The following TPCN1 variants were observed in gnomAD, a reference collection of about 807,000 sequenced individuals.
TPCN1 encodes two pore channel protein 1.
Under a neutral mutation model 108.8 loss-of-function variants are expected in TPCN1, and 52 were observed. The observed-to-expected ratio is 0.48, with a 90% CI of 0.38 to 0.60. The LOEUF (loss-of-function observed/expected upper bound fraction) is 0.60, where lower values mean the gene tolerates loss of function less well. Ranked by LOEUF, TPCN1 falls within the 20% of genes least tolerant of loss-of-function variation. The pLI is 0.00. For synonymous variants in TPCN1, 446 were observed against 433.7 expected (o/e 1.03, Z -0.35); for missense variants, 806 against 1,072.8 (o/e 0.75, Z 3.47).
In TPCN1 at chr12:113,260,460, A is replaced by G. The variant is rs144625851; in HGVS notation, c.205A>G (p.Met69Val). ...SPSSPAHNWE[M>V]NYQEAAIYLQ... The stretch of plus-strand genomic sequence containing the variant: ...CTCCAGCCCCGCACACAACTGGGAG[A>G]TGAATTACCAAGAGGCAGCAATCTA... The change falls in exon 3 of 28, where the codon ATG (methionine) becomes GTG (valine). Residue 69 changes from methionine (M) to valine (V), a missense_variant. Coordinates refer to ENST00000335509, the MANE Select transcript of TPCN1 (RefSeq NM_017901.6). 2.0e-5 allele frequency: 31 copies of G among 1,571,990 alleles called. No homozygotes were observed. The highest frequency in any genetic ancestry group is 2.6e-5 in the Non-Finnish European group (30 of 1,161,844).
rs1380765294 is a variant in TPCN1, at chr12:113,268,736, C to T, written c.529-6C>T. 6.2e-7 allele frequency: 1 copy of T among 1,613,150 alleles called. No homozygotes were observed. The highest frequency in any genetic ancestry group is 1.1e-5 in the South Asian group (1 of 91,012). ...GCTGACGGTGCTCCATGCCTGCCAC[C>T]CACAGACCTCGGTGCTGGTGGTGCA... On this transcript the variant is annotated splice_polypyrimidine_tract_variant and splice_region_variant and intron_variant, in intron 5 of 27. Coordinates refer to ENST00000335509, the MANE Select transcript of TPCN1 (RefSeq NM_017901.6). This position sits in a 1 kb window ranked among gnomAD's most constrained non-coding sequence, Gnocchi z 7.3.
rs1196825030 is a variant in TPCN1, at chr12:113,296,224, G to T, written c.*148G>T. The T allele has an allele frequency of 7.8e-7, 1 of 1,285,578 alleles. No homozygotes were observed. The allele number at this position is 1,285,578 out of a possible 1,614,324, so 79.6% of individuals were successfully genotyped here. ...AAAAAGACAGACAAGATGGGGCTTG[G>T]TTTATAACCACCTTGCCCTGTCTTC... On this transcript the variant is annotated 3_prime_UTR_variant, in exon 28 of 28. Coordinates refer to ENST00000335509, the MANE Select transcript of TPCN1 (RefSeq NM_017901.6).
Position 113,288,965 on chromosome 12 carries a change from C to CTTAGA in TPCN1, c.1796+118_1796+119insTTAGA. 1 of 1,003,654 alleles carries CTTAGA rather than the reference C, an allele frequency of 1.0e-6. No individual in the cohort carries two copies. The highest frequency in any genetic ancestry group is 1.5e-6 in the Non-Finnish European group (1 of 649,214). 62.2% of individuals were successfully genotyped at this position (1,003,654 alleles called of 1,614,324 possible). A position where few individuals can be genotyped will look rare whatever the true frequency, so the allele number is the denominator to read the frequency against. On this transcript the variant is annotated intron_variant, in intron 21 of 27. Transcript: ENST00000335509. This position sits in a 1 kb window ranked among gnomAD's most constrained non-coding sequence, Gnocchi z 4.8. ...CTCGGGGATGTTCCTGTCTAAGCAA[C>CTTAGA]CACCTTGCTTTGCTTTCAGGGCTTA...
chr12:113,230,313 G>A (rs1158267895), intron 2 of TPCN1, among the ~76,000 whole-genome samples: 1 of 132,458 alleles, frequency 7.5e-6, no homozygotes, highest in Admixed American at 7.8e-5. Context: ...TTTTGAGGTG[G>A]AGTATCACTC....
chr12:113,227,845 A>C (rs759414378), intron 2 of TPCN1, among the ~76,000 whole-genome samples: 6 of 152,130 alleles, frequency 3.9e-5, no homozygotes, highest in South Asian at 2.1e-4. Flanking sequence ...GTTGAGTTGC[A>C]GGGAGTTTGG....
chr12:113,223,334 T>C (rs899916583), intron 1 of TPCN1, among the ~76,000 whole-genome samples: 1 of 151,986 alleles, frequency 6.6e-6, no homozygotes, highest in African/African-American at 2.4e-5. Context: ...ATTGACTAGG[T>C]CAGTTGGGAG....
chr12:113,239,242 A>G (rs1231413190), intron 2 of TPCN1, among the ~76,000 whole-genome samples: 3 of 152,222 alleles, frequency 2.0e-5, no homozygotes, highest in Admixed American at 2.0e-4. Flanking sequence ...TTCATCCAGC[A>G]TCAAGCAGGG....
intron 3 of TPCN1, among the ~76,000 whole-genome samples, chr12:113,264,678 C>T (rs566153976): frequency 2.8e-4 from 39 of 137,896 alleles, no homozygotes; most frequent in African/African-American, 1.0e-3. Flanking sequence ...GACTCTGTCT[C>T]AAAAAAAAAG....
intron 3 of TPCN1, among the ~76,000 whole-genome samples, chr12:113,263,668 T>G (rs1412683502): frequency 6.6e-6 from 1 of 152,200 alleles, no homozygotes; most frequent in African/African-American, 2.4e-5. Context: ...GGGTGTCTGG[T>G]GCCTGCAGTT....
chr12:113,240,352 G>A (rs1256217835), intron 2 of TPCN1, among the ~76,000 whole-genome samples: 1 of 152,194 alleles, frequency 6.6e-6, no homozygotes, highest in Admixed American at 6.5e-5. Flanking sequence ...ACCTGCTGGT[G>A]TCTACAACGG....
intron 3 of TPCN1, among the ~76,000 whole-genome samples, chr12:113,264,606 G>A (rs1241819028): frequency 3.3e-5 from 5 of 151,868 alleles, no homozygotes; most frequent in Admixed American, 3.3e-4. Context: ...TTGAACCCAG[G>A]AGGCGGAGGT....
chr12:113,285,070 C>T (rs1956023009), intron 17 of TPCN1, among the ~76,000 whole-genome samples: 1 of 152,250 alleles, frequency 6.6e-6, no homozygotes, highest in South Asian at 2.1e-4. Context: ...CTGCTCCCTG[C>T]TGCTCTTGCC....
At position 113,288,867 on chromosome 12, in the gene TPCN1, C is replaced by T. The variant is rs1235642742; in HGVS notation, c.1796+20C>T. On this transcript the variant is annotated intron_variant, in intron 21 of 27. Coordinates refer to ENST00000335509, the MANE Select transcript of TPCN1 (RefSeq NM_017901.6). This position sits in a 1 kb window ranked among gnomAD's most constrained non-coding sequence, Gnocchi z 4.8. ...CTGCAAGTGAGTAGGCCCCACCCAG[C>T]CCCAGGCAGCCTGCATTTCCCGGGC... 6.2e-7 allele frequency: 1 copy of T among 1,611,264 alleles called. No homozygotes were observed. Among genetic ancestry groups the T allele is most frequent in the Non-Finnish European group, 8.5e-7 (1 of 1,178,652 alleles).
intron 4 of TPCN1, among the ~76,000 whole-genome samples, chr12:113,267,435 G>C (rs954476396): frequency 1.0e-4 from 15 of 147,234 alleles, no homozygotes; most frequent in African/African-American, 3.8e-4. Context: ...GTCTCCCTCT[G>C]TTGCCCAGGC....
chr12:113,286,104 A>G lies in TPCN1; in HGVS notation c.1526+143A>G, dbSNP rs985504827. ...TGGGCTGAGGCCTATGTCTCCCTCAAGCAGCCCTGCCCACAGCCCAGGAAC... is the reference window on the plus strand; with the variant it reads ...TGGGCTGAGGCCTATGTCTCCCTCAGGCAGCCCTGCCCACAGCCCAGGAAC... On this transcript the variant is annotated intron_variant, in intron 18 of 27. Coordinates refer to ENST00000335509, the MANE Select transcript of TPCN1 (RefSeq NM_017901.6). The G allele has an allele frequency of 1.1e-5, 8 of 734,552 alleles. No homozygotes were observed. The African/African-American group carries it at 1.4e-4, about 13-fold the overall frequency. 45.5% of individuals were successfully genotyped at this position (734,552 alleles called of 1,614,324 possible). A position where few individuals can be genotyped will look rare whatever the true frequency, so the allele number is the denominator to read the frequency against.
chr12:113,268,829 T>C lies in TPCN1; in HGVS notation c.616T>C (p.Cys206Arg). 1 of 1,614,112 alleles carries C rather than the reference T, an allele frequency of 6.2e-7. No homozygotes were observed. The highest frequency in any genetic ancestry group is 1.3e-5 in the African/African-American group (1 of 75,034). ...TGTGCGGGTGACCCGAGCACTGCGCTGCATTTTCCTGGTGGACTGTCGGTA... is the reference window on the plus strand; with the variant it reads ...TGTGCGGGTGACCCGAGCACTGCGCCGCATTTTCCTGGTGGACTGTCGGTA... ...SHVRVTRALR[C>R]IFLVDCRYCG... Residue 206 changes from cysteine to arginine, a missense_variant, in exon 6 of 28, where the codon TGC becomes CGC. Cys to Arg is a radical substitution (Grantham distance 180). Coordinates refer to ENST00000335509, the MANE Select transcript of TPCN1 (RefSeq NM_017901.6). The surrounding 1 kb of genome is among the most constrained non-coding windows in gnomAD (Gnocchi z 7.3).
At chr12:113,287,141 C>T (rs373003118) in intron 19 of TPCN1, 47 bp downstream of exon 19, 36 of 1,477,102 alleles carry the variant, frequency 2.4e-5, no homozygotes, top group Admixed American at 5.0e-5. Context: ...AGAGGGAGGA[C>T]GGGAATGCCC....
intron 2 of TPCN1, among the ~76,000 whole-genome samples, chr12:113,233,067 A>G (rs188603236): frequency 6.6e-6 from 1 of 152,164 alleles, no homozygotes; most frequent in South Asian, 2.1e-4. Context: ...TAAAATGAGT[A>G]AGCATCCAGC....
At chr12:113,248,681 C>A (rs1954501064) in intron 2 of TPCN1, among the ~76,000 whole-genome samples, 1 of 152,178 alleles carries the variant, frequency 6.6e-6, no homozygotes, top group Admixed American at 6.5e-5. Context: ...GACGAGGTGA[C>A]TTGGAGAGGT....
Sources: allele counts gnomAD v4.1 joint callset (sites outside exome capture counted in the v4.1 genomes callset), GRCh38; gene constraint gnomAD v4.1.1; non-coding constraint Gnocchi (gnomAD v3.1); transcripts MANE v1.5; gene names NCBI Gene and HGNC (gene_info 2026-07-23, HGNC 2026-07-21).